Variants in ATP8B1 observed in about 807,000 individuals in gnomAD.
ATP8B1 encodes ATPase phospholipid transporting 8B1, also known as phospholipid-transporting ATPase IC.
Under a neutral mutation model 149.9 loss-of-function variants are expected in ATP8B1, and 80 were observed. The observed-to-expected ratio is 0.53, with a 90% CI of 0.45 to 0.64. The LOEUF is 0.64. Among genes scored for constraint, ATP8B1 ranks in the 30% least tolerant of loss-of-function variants. The pLI is 0.00. For missense variants in ATP8B1, 1,247 were observed against 1,552.6 expected (o/e 0.80, Z 3.31); for synonymous variants, 536 against 562.8 (o/e 0.95, Z 0.67).
Position 57,647,961 on chromosome 18 carries a change from A to G in ATP8B1, c.*527T>C, listed in dbSNP as rs550151909. The G allele has an allele frequency of 3.9e-5, 8 of 204,900 alleles. No homozygotes were observed. In the South Asian group the frequency reaches 5.6e-4, roughly 14 times the overall value. The allele number at this position is 204,900 out of a possible 1,614,324, so 12.7% of individuals were successfully genotyped here. A position where few individuals can be genotyped will look rare whatever the true frequency, so the allele number is the denominator to read the frequency against. ...CTTGGCCTCCCAAAGTGCTAGGATG[A>G]CAGGCATGAGCCACCATGCCCGGCC... On this transcript the variant is annotated 3_prime_UTR_variant, in exon 28 of 28. Coordinates refer to ENST00000648908, the MANE Select transcript of ATP8B1 (RefSeq NM_001374385.1).
intron 1 of ATP8B1, among the ~76,000 whole-genome samples, chr18:57,736,547 A>G (rs1331457437): frequency 6.8e-6 from 1 of 147,630 alleles, no homozygotes; most frequent in African/African-American, 2.5e-5. Flanking sequence ...TGCAGCATTG[A>G]ACTCTTGGGC....
intron 12 of ATP8B1, among the ~76,000 whole-genome samples, chr18:57,691,567 A>G (rs1912531801): frequency 6.6e-6 from 1 of 152,214 alleles, no homozygotes; most frequent in Non-Finnish European, 1.5e-5. Context: ...GTAGCAATCG[A>G]TCTTTGAAAT....
rs749474911 is a variant in ATP8B1, at chr18:57,674,865, G to T, written c.1788C>A (p.Phe596Leu). 1.9e-6 allele frequency: 3 copies of T among 1,614,174 alleles called. No homozygotes were observed. Among genetic ancestry groups the T allele is most frequent in the Non-Finnish European group, 2.5e-6 (3 of 1,180,006 alleles). ...RTYNVLAILD[F>L]NSDRKRMSII... ...TAGACATTCGCTTCCGGTCACTGTT[G>T]AAGTCCAAAATGGCAAGAACATTGT... Residue 596 changes from phenylalanine to leucine, a missense_variant, in exon 16 of 28, where the codon TTC becomes TTA. Physicochemically the swap from Phe to Leu is conservative, Grantham distance 22. Coordinates refer to ENST00000648908, the MANE Select transcript of ATP8B1 (RefSeq NM_001374385.1).
At chr18:57,770,356 T>G (rs937180651) in intron 1 of ATP8B1, among the ~76,000 whole-genome samples, 1 of 152,224 alleles carries the variant, frequency 6.6e-6, no homozygotes, top group African/African-American at 2.4e-5. Context: ...TTCGGTTAGA[T>G]GTCTCAAAAT....
At chr18:57,740,334 TTTATTA>T (rs1006427768) in intron 1 of ATP8B1, among the ~76,000 whole-genome samples, 1 of 151,968 alleles carries the variant, frequency 6.6e-6, no homozygotes, top group African/African-American at 2.4e-5. Flanking sequence ...CCTCATTTTG[TTTATTA>T]TTATTATTAA....
intron 1 of ATP8B1, among the ~76,000 whole-genome samples, chr18:57,753,772 A>G (rs9958793): frequency 0.073 from 11,065 of 151,914 alleles, 651 homozygotes; most frequent in East Asian, 0.24. Context: ...TACTAAAAAT[A>G]CAAAAATTAG....
chr18:57,732,809 C>T (rs550807876), intron 1 of ATP8B1, among the ~76,000 whole-genome samples: 177 of 146,028 alleles, frequency 1.2e-3, no homozygotes, highest in Non-Finnish European at 2.2e-3. Flanking sequence ...GTCATCCACC[C>T]GCCTCGGCTT....
intron 2 of ATP8B1, among the ~76,000 whole-genome samples, chr18:57,715,825 G>A (rs75948444): frequency 0.012 from 1,897 of 152,250 alleles, 38 homozygotes; most frequent in African/African-American, 0.043. Context: ...CTGTCCTACA[G>A]GAAATGCTAA....
At chr18:57,728,892 G>A (rs1396881739) in intron 2 of ATP8B1, among the ~76,000 whole-genome samples, 1 of 151,882 alleles carries the variant, frequency 6.6e-6, no homozygotes, top group East Asian at 1.9e-4. Flanking sequence ...GCTAATTTTT[G>A]TATTTTTAAT....
chr18:57,758,494 C>T lies in ATP8B1; in HGVS notation c.-25-26662G>A, dbSNP rs569697158. On this transcript the variant is annotated intron_variant, in intron 1 of 27. Transcript: ENST00000648908. Reference sequence around the variant, plus strand: ...CGTCTCTACTAAAAAAAAAAAAATACAAAATTAGCCAGGCACAGTGGTGCA... The same window carrying T: ...CGTCTCTACTAAAAAAAAAAAAATATAAAATTAGCCAGGCACAGTGGTGCA... 2.8e-5 allele frequency among the ~76,000 whole-genome samples: 4 copies of T among 144,728 alleles called. No individual in the cohort carries two copies. The South Asian group carries it at 6.7e-4, about 24-fold the overall frequency. The allele number at this position is 144,728 out of a possible 152,430, so 94.9% of individuals were successfully genotyped here. A position where few individuals can be genotyped will look rare whatever the true frequency, so the allele number is the denominator to read the frequency against.
intron 22 of ATP8B1, 151 bp from the exon 23 acceptor site, chr18:57,655,568 C>T (rs1008934053): frequency 4.0e-6 from 3 of 753,418 alleles, no homozygotes; most frequent in Non-Finnish European, 6.8e-6. Flanking sequence ...TCCCTCACCC[C>T]CAGCTCTTGA....
intron 8 of ATP8B1, 93 bp from the exon 9 acceptor site, chr18:57,695,625 C>T (rs1912771622): frequency 1.1e-6 from 1 of 928,686 alleles, no homozygotes; most frequent in Admixed American, 1.9e-5. Context: ...CATACCTGGA[C>T]ATGAAGCCTA....
rs142231389 is a variant in ATP8B1, at chr18:57,685,107, G to A, written c.1438C>T (p.Arg480Trp). The A allele has an allele frequency of 7.1e-5, 115 of 1,614,156 alleles. No individual in the cohort carries two copies. In the African/African-American group the frequency reaches 1.3e-3, roughly 18 times the overall value. ...CINGQIYGDH[R>W]DASQHNHNKI... The stretch of plus-strand genomic sequence containing the variant: ...TTGTGGTTGTGTTGAGAGGCATCCC[G>A]ATGGTCCCCTGAGAAACAAACAGGA... Residue 480 changes from arginine to tryptophan, a missense_variant, in exon 14 of 28, where the codon CGG becomes TGG. By Grantham distance (101) the Arg-to-Trp change is moderately radical. Transcript: ENST00000648908.
At chr18:57,745,600 A>T (rs1219292914) in intron 1 of ATP8B1, among the ~76,000 whole-genome samples, 3 of 151,988 alleles carry the variant, frequency 2.0e-5, no homozygotes, top group Admixed American at 2.0e-4. Context: ...GTCATTAGTT[A>T]TAAAAAGCAG....
Position 57,784,560 on chromosome 18 carries a change from A to G in ATP8B1, c.-26+18438T>C, listed in dbSNP as rs1345719364. Among the ~76,000 whole-genome samples, 1 of 152,218 alleles carries G rather than the reference A, an allele frequency of 6.6e-6. No homozygotes were observed. The highest frequency in any genetic ancestry group is 1.9e-4 in the East Asian group (1 of 5,188). On this transcript the variant is annotated intron_variant, in intron 1 of 27. Transcript: ENST00000648908. This position sits in a 1 kb window ranked among gnomAD's most constrained non-coding sequence, Gnocchi z 4.4. Reference sequence around the variant, plus strand: ...GAGAAAGGGGTCAGAGATCAAGTCCAGGCTTAAGCCAGAAGGCTTAAGCAC... The same window carrying G: ...GAGAAAGGGGTCAGAGATCAAGTCCGGGCTTAAGCCAGAAGGCTTAAGCAC...
chr18:57,667,419 G>T, intron 19 of ATP8B1: 2 of 469,630 alleles, frequency 4.3e-6, no homozygotes, highest in South Asian at 2.2e-5. Flanking sequence ...CTAGAGATGG[G>T]GTTTTGTCAT....
Position 57,763,035 on chromosome 18 carries a change from C to G in ATP8B1, c.-25-31203G>C, listed in dbSNP as rs75148043. Reference sequence around the variant, plus strand: ...AGGGAAAATGAACTCCTTGAACACACGTTTTTTGCACTGTTATCAAGTCAT... The same window carrying G: ...AGGGAAAATGAACTCCTTGAACACAGGTTTTTTGCACTGTTATCAAGTCAT... On this transcript the variant is annotated intron_variant, in intron 1 of 27. Transcript: ENST00000648908. Among the ~76,000 whole-genome samples the G allele has an allele frequency of 2.2e-4, 34 of 152,286 alleles. No homozygotes were observed. In the East Asian group the frequency reaches 5.8e-3, roughly 26 times the overall value.
At chr18:57,739,544 T>C (rs1395100707) in intron 1 of ATP8B1, among the ~76,000 whole-genome samples, 6 of 152,212 alleles carry the variant, frequency 3.9e-5, no homozygotes, top group Admixed American at 3.9e-4. Flanking sequence ...CAGTTGACAC[T>C]GAAAGATCTG....
chr18:57,798,773 A>C (rs533602481), intron 1 of ATP8B1, among the ~76,000 whole-genome samples: 1 of 152,260 alleles, frequency 6.6e-6, no homozygotes, highest in East Asian at 1.9e-4. Context: ...TTCTCCTGCA[A>C]GGTTAAGAGG....
Sources: gnomAD v4.1 joint callset for allele counts (sites outside exome capture counted in the v4.1 genomes callset) on GRCh38, gnomAD v4.1.1 for gene constraint, Gnocchi (gnomAD v3.1) non-coding constraint, MANE v1.5 for transcripts, NCBI Gene and HGNC (gene_info 2026-07-23, HGNC 2026-07-21) for gene names.